ATP2C1: variants seen among roughly 807,000 people sequenced by gnomAD.
The protein encoded by ATP2C1 is calcium-transporting ATPase type 2C member 1.
In ATP2C1, 31 loss-of-function variants were observed where a neutral mutation model predicts 120.5. The observed-to-expected ratio is 0.26, with a 90% CI of 0.19 to 0.35. The LOEUF (loss-of-function observed/expected upper bound fraction) is 0.35. Ranked by LOEUF, ATP2C1 falls within the 10% of genes least tolerant of loss-of-function variation. The pLI, the probability that ATP2C1 is intolerant of heterozygous loss-of-function variation, is 1.00. For missense variants in ATP2C1, 731 were observed against 1,107.5 expected, an observed-to-expected ratio of 0.66 and a Z score of 4.83; for synonymous variants, 351 against 358.7, an observed-to-expected ratio of 0.98 and a Z score of 0.24.
At chr3:130,899,161 TG>T (rs1486399297) in intron 2 of ATP2C1, among the ~76,000 whole-genome samples, 3 of 152,170 alleles carry the variant, frequency 2.0e-5, no homozygotes, top group Non-Finnish European at 4.4e-5. Context: ...TGTATATGAC[TG>T]CTACTTATAT....
intron 1 of ATP2C1, among the ~76,000 whole-genome samples, chr3:130,884,914 T>C (rs2068912988): frequency 6.8e-6 from 1 of 148,022 alleles, no homozygotes; most frequent in East Asian, 2.0e-4. Context: ...GTGTGTTTCT[T>C]TTCTTTCTTT....
intron 2 of ATP2C1, among the ~76,000 whole-genome samples, chr3:130,914,012 A>G (rs2058567190): frequency 6.6e-6 from 1 of 152,162 alleles, no homozygotes. Flanking sequence ...ACTCAGCATC[A>G]AGCACTGGTA....
At chr3:131,016,653 C>G in exon 27 of ATP2C1, 1 of 368,684 alleles carries the variant, frequency 2.7e-6, no homozygotes, top group Non-Finnish European at 5.1e-6. Context: ...AAATCTGTGT[C>G]TATGAAAAAT....
At chr3:131,004,777 A>G (rs149306139), downstream of ATP2C1, among the ~76,000 whole-genome samples, 1,188 of 152,354 alleles carry the variant, frequency 7.8e-3, 9 homozygotes, top group Non-Finnish European at 0.012. Flanking sequence ...GCCTCTGCAG[A>G]GGTGGTGGTA....
chr3:130,946,936 A>G (rs985338512), intron 8 of ATP2C1, among the ~76,000 whole-genome samples: 3 of 152,260 alleles, frequency 2.0e-5, no homozygotes, highest in Admixed American at 6.5e-5. Flanking sequence ...ATCAGGCTTC[A>G]GGGCTTAGAA....
At chr3:130,869,888 A>G (rs1043359450) in intron 1 of ATP2C1, among the ~76,000 whole-genome samples, 19 of 152,242 alleles carry the variant, frequency 1.2e-4, no homozygotes, top group African/African-American at 4.6e-4. Flanking sequence ...CAAGTAATCC[A>G]GAAGACCTAG....
intron 9 of ATP2C1, among the ~76,000 whole-genome samples, chr3:130,954,433 T>G: frequency 6.6e-6 from 1 of 152,188 alleles, no homozygotes; most frequent in East Asian, 1.9e-4. Context: ...ATAATACATG[T>G]TTGTATTTCA....
chr3:130,963,811 C>A (rs1559981861), intron 12 of ATP2C1, 160 bp from the exon 13 acceptor site: 1 of 800,742 alleles, frequency 1.2e-6, no homozygotes, highest in Non-Finnish European at 2.0e-6. Context: ...TACTAGGTAT[C>A]CAGTAAATGT....
At position 130,957,175 on chromosome 3, in the gene ATP2C1, C is replaced by T. The variant is rs956333408; in HGVS notation, c.832+996C>T. On this transcript the variant is annotated intron_variant, in intron 11 of 27. Coordinates refer to ENST00000510168, the MANE Select transcript of ATP2C1 (RefSeq NM_001378687.1). Reference sequence around the variant, plus strand: ...AGACACAAATGGGTTAAAACATCCCCTTTTCCTTGAGATTCTGTTATCACC... The same window carrying T: ...AGACACAAATGGGTTAAAACATCCCTTTTTCCTTGAGATTCTGTTATCACC... 3.9e-5 allele frequency among the ~76,000 whole-genome samples: 6 copies of T among 152,198 alleles called. No homozygotes were observed. The South Asian group carries it at 1.2e-3, about 31-fold the overall frequency.
chr3:130,951,438 A>G (rs557827295), intron 8 of ATP2C1, among the ~76,000 whole-genome samples: 1 of 152,164 alleles, frequency 6.6e-6, no homozygotes, highest in African/African-American at 2.4e-5. Context: ...AATTTAGCAT[A>G]GATATGTAGC....
chr3:130,921,243 G>C (rs896764767), intron 2 of ATP2C1, among the ~76,000 whole-genome samples: 32 of 144,442 alleles, frequency 2.2e-4, no homozygotes, highest in African/African-American at 8.2e-4. Flanking sequence ...CACCACACCT[G>C]ACTAACTTTT....
chr3:130,925,868 C>T (rs914201405), intron 2 of ATP2C1, among the ~76,000 whole-genome samples: 2 of 152,072 alleles, frequency 1.3e-5, no homozygotes, highest in Non-Finnish European at 2.9e-5. Flanking sequence ...TTGTGGCTGC[C>T]TCTGCTGAGT....
At chr3:130,879,326 C>T (rs1240384131) in intron 1 of ATP2C1, among the ~76,000 whole-genome samples, 2 of 152,170 alleles carry the variant, frequency 1.3e-5, no homozygotes, top group Non-Finnish European at 2.9e-5. Context: ...CTCAGCCTCC[C>T]AAAGTGCTGG....
chr3:131,012,202 AG>A, intron 26 of ATP2C1, among the ~76,000 whole-genome samples: 1 of 152,058 alleles, frequency 6.6e-6, no homozygotes, highest in Non-Finnish European at 1.5e-5. Flanking sequence ...TTCAAACTCC[AG>A]GAATCAAGGT....
At chr3:130,872,991 A>G (rs777452899) in intron 1 of ATP2C1, among the ~76,000 whole-genome samples, 7 of 152,190 alleles carry the variant, frequency 4.6e-5, no homozygotes, top group African/African-American at 9.7e-5. Flanking sequence ...AATAAAAACA[A>G]GTGAATAGAT....
intron 15 of ATP2C1, 39 bp from the exon 16 acceptor site, chr3:130,967,291 C>T (rs2061088858): frequency 1.9e-6 from 3 of 1,611,184 alleles, no homozygotes; most frequent in South Asian, 2.2e-5. Context: ...TAACTTAAGA[C>T]ACAGTGATAG....
upstream of ATP2C1, among the ~76,000 whole-genome samples, chr3:130,892,273 G>C (rs988304936): frequency 6.6e-6 from 1 of 152,148 alleles, no homozygotes. Context: ...TATTTATATT[G>C]TGTAATTTCC....
At chr3:130,966,621 T>C (rs892942506) in intron 14 of ATP2C1, among the ~76,000 whole-genome samples, 2 of 152,108 alleles carry the variant, frequency 1.3e-5, no homozygotes, top group East Asian at 3.9e-4. Flanking sequence ...GTTCTAGACA[T>C]ATGATATAAA....
chr3:130,851,007 T>A, intron 1 of ATP2C1: 1 of 803,530 alleles, frequency 1.2e-6, no homozygotes, highest in Non-Finnish European at 1.7e-6. Context: ...GTGATTTCAT[T>A]TGTGCTGGTT....
Sources: gnomAD v4.1 joint callset for allele counts (sites outside exome capture counted in the v4.1 genomes callset) on GRCh38, gnomAD v4.1.1 for gene constraint, MANE v1.5 for transcripts, NCBI Gene and HGNC (gene_info 2026-07-23, HGNC 2026-07-21) for gene names.